Variants in IGLON5 observed in about 807,000 individuals in gnomAD.
IGLON5 encodes the protein Ig-like domain-containing protein ENSP00000270642.
IGLON5 carries 16 observed loss-of-function variants against 38.2 expected under a neutral mutation model. The ratio of observed to expected loss-of-function variants is 0.42; its 90% confidence interval spans 0.28 to 0.64. The LOEUF (loss-of-function observed/expected upper bound fraction) is 0.64, where lower values mean the gene tolerates loss of function less well. Among genes scored for constraint, IGLON5 ranks in the 30% least tolerant of loss-of-function variants. The probability of loss-of-function intolerance (pLI) is 0.23; values close to 1 mark genes in which losing one functional copy is unlikely to be tolerated. For missense variants in IGLON5, 366 were observed against 483.4 expected (o/e 0.76, Z 2.28); for synonymous variants, 207 against 216.4 (o/e 0.96, Z 0.38).
intron 1 of IGLON5, among the ~76,000 whole-genome samples, chr19:51,317,175 G>A (rs1208912479): frequency 6.6e-6 from 1 of 152,116 alleles, no homozygotes; most frequent in African/African-American, 2.4e-5. Context: ...TATCAAACAG[G>A]TATGAGGCCT....
chr19:51,323,954 C>T, intron 3 of IGLON5, 60 bp downstream of exon 3: 1 of 1,172,500 alleles, frequency 8.5e-7, no homozygotes, highest in Non-Finnish European at 1.2e-6. Flanking sequence ...GGAGACTAGG[C>T]ATGATGACAG....
At position 51,323,246 on chromosome 19, in the gene IGLON5, C is replaced by G. The variant is rs1197001694; in HGVS notation, c.159-416C>G. On this transcript the variant is annotated intron_variant, in intron 2 of 7. Coordinates refer to ENST00000270642, the MANE Select transcript of IGLON5 (RefSeq NM_001101372.3). ...CCCCTCTGTCTCTGGGTCTCTGTGT[C>G]TCTCTCTCTCTCTGGGTCTCTGTCC... is the stretch of plus-strand genomic sequence containing the variant. Among the ~76,000 whole-genome samples, 42 of 79,642 alleles carry G rather than the reference C, an allele frequency of 5.3e-4. No homozygotes were observed. The South Asian group carries it at 0.011, about 21-fold the overall frequency. 52.2% of individuals were successfully genotyped at this position (79,642 alleles called of 152,430 possible).
At chr19:51,320,033 A>ATGTGTG (rs59294317) in intron 1 of IGLON5, among the ~76,000 whole-genome samples, 1 of 151,224 alleles carries the variant, frequency 6.6e-6, no homozygotes, top group Non-Finnish European at 1.5e-5. Flanking sequence ...CTGTGTGTGT[A>ATGTGTG]TGTGTGTGTG....
rs1016432974 is a variant in IGLON5 at position 51,330,525 on chromosome 19, A to T, written c.*1766A>T. Among the ~76,000 whole-genome samples the T allele has an allele frequency of 3.3e-5, 5 of 152,230 alleles. No homozygotes were observed. Among genetic ancestry groups the T allele is most frequent in the Non-Finnish European group, 7.3e-5 (5 of 68,036 alleles). On this transcript the variant is annotated 3_prime_UTR_variant, in exon 8 of 8. Transcript: ENST00000270642. ...CTGTGATTGGCCGAAGACACCCAGC[A>T]TAGCCCATTTCCCACCGTGATTGGC...
At chr19:51,320,942 C>G (rs1282565093) in intron 1 of IGLON5, among the ~76,000 whole-genome samples, 2 of 152,072 alleles carry the variant, frequency 1.3e-5, no homozygotes, top group Admixed American at 1.3e-4. Context: ...TGCATATATA[C>G]TATGCGCTCA....
At chr19:51,326,336 C>T (rs1274029614) in intron 4 of IGLON5, among the ~76,000 whole-genome samples, 1 of 152,156 alleles carries the variant, frequency 6.6e-6, no homozygotes, top group Non-Finnish European at 1.5e-5. Context: ...TCCCAATCAC[C>T]AGATCCTGAT....
intron 1 of IGLON5, among the ~76,000 whole-genome samples, chr19:51,320,436 C>T (rs1029589206): frequency 1.8e-4 from 27 of 152,348 alleles, no homozygotes; most frequent in African/African-American, 6.0e-4. Context: ...GTCATCCAGC[C>T]GGCCTTCCTC....
At chr19:51,319,712 C>T (rs1985008248) in intron 1 of IGLON5, among the ~76,000 whole-genome samples, 1 of 152,086 alleles carries the variant, frequency 6.6e-6, no homozygotes, top group Admixed American at 6.5e-5. Flanking sequence ...TATGAGCGCT[C>T]CTGGGACAGA....
At chr19:51,314,741 A>C (rs948126839) in intron 1 of IGLON5, among the ~76,000 whole-genome samples, 1 of 152,186 alleles carries the variant, frequency 6.6e-6, no homozygotes, top group Non-Finnish European at 1.5e-5. Context: ...TATGCAAACT[A>C]GCATCTTCTC....
intron 1 of IGLON5, among the ~76,000 whole-genome samples, chr19:51,321,161 A>G (rs947399397): frequency 6.6e-6 from 1 of 152,218 alleles, no homozygotes; most frequent in South Asian, 2.1e-4. Context: ...CTGCATATGT[A>G]TATGTATCTA....
rs770075763 is a variant in IGLON5, at chr19:51,327,237, G to C, written c.767+37G>C. On this transcript the variant is annotated intron_variant, in intron 6 of 7. Coordinates refer to ENST00000270642, the MANE Select transcript of IGLON5 (RefSeq NM_001101372.3). The surrounding 1 kb of genome is among the most constrained non-coding windows in gnomAD (Gnocchi z 7.1). ...ACTGAGGGGGCCGTGGGAGCGGGAAGGGGAGGTCTTTAGTCCCTTCGATTG... is the reference window on the plus strand; with the variant it reads ...ACTGAGGGGGCCGTGGGAGCGGGAACGGGAGGTCTTTAGTCCCTTCGATTG... 6.3e-7 allele frequency: 1 copy of C among 1,592,310 alleles called. No homozygotes were observed. The highest frequency in any genetic ancestry group is 1.3e-5 in the African/African-American group (1 of 74,700).
chr19:51,327,823 G>T lies in IGLON5; in HGVS notation c.859G>T (p.Gly287Cys). The T allele has an allele frequency of 6.4e-7, 1 of 1,553,320 alleles. No individual in the cohort carries two copies. The highest frequency in any genetic ancestry group is 8.7e-7 in the Non-Finnish European group (1 of 1,149,866). Residue 287 changes from glycine (G) to cysteine (C), a missense_variant, in exon 7 of 8, where the codon GGC (glycine) becomes TGC (cysteine). Gly to Cys is a radical substitution (Grantham distance 159). Coordinates refer to ENST00000270642, the MANE Select transcript of IGLON5 (RefSeq NM_001101372.3). This position sits in a 1 kb window ranked among gnomAD's most constrained non-coding sequence, Gnocchi z 7.1. Reference sequence around the variant, plus strand: ...TGCCAACGTGAGCGCCCGGCATTACGGCAACTATACGTGTCGCGCCGCCAA... The same window carrying T: ...TGCCAACGTGAGCGCCCGGCATTACTGCAACTATACGTGTCGCGCCGCCAA... ...LFANVSARHY[G>C]NYTCRAANRL...
At chr19:51,314,306 C>T (rs559918570) in intron 1 of IGLON5, among the ~76,000 whole-genome samples, 19 of 152,040 alleles carry the variant, frequency 1.2e-4, no homozygotes, top group South Asian at 6.2e-4. Flanking sequence ...GCCTCAGCCT[C>T]GCAAGTAGCT....
chr19:51,327,204 A>G lies in IGLON5; in HGVS notation c.767+4A>G. 6.2e-7 allele frequency: 1 copy of G among 1,610,222 alleles called. No homozygotes were observed. On this transcript the variant is annotated splice_donor_region_variant and intron_variant, in intron 6 of 7. Transcript: ENST00000270642. This position sits in a 1 kb window ranked among gnomAD's most constrained non-coding sequence, Gnocchi z 7.1. ...AGTGGTACAAGGATGACAGACTGTG[A>G]GGACAGCACTGAGGGGGCCGTGGGA...
In IGLON5 at chr19:51,314,361, T is replaced by G. The variant is rs578094739; in HGVS notation, c.79+2435T>G. ...ACCACGCTGGGCTAATTTTTGTACTTTTAGTAGATACAGGGTTTCACCATG... is the reference window on the plus strand; with the variant it reads ...ACCACGCTGGGCTAATTTTTGTACTGTTAGTAGATACAGGGTTTCACCATG... On this transcript the variant is annotated intron_variant, in intron 1 of 7. Transcript: ENST00000270642. Among the ~76,000 whole-genome samples, 25 of 152,222 alleles carry G rather than the reference T, an allele frequency of 1.6e-4. 1 individual carries two copies. In the South Asian group the frequency reaches 5.2e-3, roughly 32 times the overall value.
chr19:51,325,318 C>T lies in IGLON5; in HGVS notation c.392-28C>T. Reference sequence around the variant, plus strand: ...CTGGGGGCCTGGATTCCTGGGCATCCATATTCAGCCTCTGCCGCTGCCCGC... The same window carrying T: ...CTGGGGGCCTGGATTCCTGGGCATCTATATTCAGCCTCTGCCGCTGCCCGC... On this transcript the variant is annotated intron_variant, in intron 3 of 7. Transcript: ENST00000270642. This position sits in a 1 kb window ranked among gnomAD's most constrained non-coding sequence, Gnocchi z 5.5. The T allele has an allele frequency of 6.2e-7, 1 of 1,608,358 alleles. No individual in the cohort carries two copies. The highest frequency in any genetic ancestry group is 8.5e-7 in the Non-Finnish European group (1 of 1,177,584).
intron 5 of IGLON5, 51 bp downstream of exon 5, chr19:51,326,949 T>G: frequency 6.4e-7 from 1 of 1,570,666 alleles, no homozygotes. Flanking sequence ...CCCGAGTCCC[T>G]GGGGAGGAGG....
At chr19:51,313,695 C>CTTTCTTTCTTTCTTTCTTTCTT (rs57541204) in intron 1 of IGLON5, among the ~76,000 whole-genome samples, 1 of 51,226 alleles carries the variant, frequency 2.0e-5, no homozygotes, top group African/African-American at 5.1e-5. Flanking sequence ...TTCTTTCTTT[C>CTTTCTTTCTTTCTTTCTTTCTT]TTCTTTCTTC....
At chr19:51,317,951 A>C (rs1173079888) in intron 1 of IGLON5, among the ~76,000 whole-genome samples, 1 of 152,184 alleles carries the variant, frequency 6.6e-6, no homozygotes, top group Non-Finnish European at 1.5e-5. Flanking sequence ...TCAGGGATTT[A>C]TTATCTGGTC....
Sources: allele counts gnomAD v4.1 joint callset (sites outside exome capture counted in the v4.1 genomes callset), GRCh38; gene constraint gnomAD v4.1.1; non-coding constraint Gnocchi (gnomAD v3.1); transcripts MANE v1.5; gene names NCBI Gene and HGNC (gene_info 2026-07-23, HGNC 2026-07-21).